Variants in VTI1A observed in about 807,000 individuals in gnomAD.
VTI1A encodes the protein vesicle transport through interaction with t-SNAREs homolog 1A.
Under a neutral mutation model 34.9 loss-of-function variants are expected in VTI1A, and 22 were observed. The observed-to-expected ratio is 0.63, with a 90% CI of 0.45 to 0.90. The LOEUF is 0.90. VTI1A is among the 40% of genes least tolerant of loss of function. The probability of loss-of-function intolerance (pLI) is 0.00; values close to 1 mark genes in which losing one functional copy is unlikely to be tolerated. For synonymous variants in VTI1A, 87 were observed against 97.3 expected, an observed-to-expected ratio of 0.89 and a Z score of 0.62; for missense variants, 268 against 275.6, an observed-to-expected ratio of 0.97 and a Z score of 0.20.
chr10:112,633,074 C>T (rs1047817059), intron 5 of VTI1A, among the ~76,000 whole-genome samples: 4 of 152,112 alleles, frequency 2.6e-5, no homozygotes, highest in East Asian at 3.9e-4. Flanking sequence ...GTAATCCCAG[C>T]ACTTTGGGAG....
chr10:112,540,108 A>G (rs974138778), intron 5 of VTI1A, among the ~76,000 whole-genome samples: 1 of 152,084 alleles, frequency 6.6e-6, no homozygotes. Context: ...GCTTTGGTTG[A>G]TTGGGCTACA....
At chr10:112,472,533 C>CTT (rs78914593) in intron 3 of VTI1A, among the ~76,000 whole-genome samples, 3 of 134,874 alleles carry the variant, frequency 2.2e-5, no homozygotes, top group Admixed American at 7.5e-5. Context: ...TACCCATATT[C>CTT]TTTTTTTTTT....
intron 3 of VTI1A, among the ~76,000 whole-genome samples, chr10:112,517,318 G>A (rs1241274992): frequency 6.6e-6 from 1 of 151,944 alleles, no homozygotes; most frequent in African/African-American, 2.4e-5. Flanking sequence ...CACAATCTGA[G>A]CAACAAAAGA....
intron 5 of VTI1A, among the ~76,000 whole-genome samples, chr10:112,546,322 T>G (rs2134281392): frequency 1.3e-5 from 2 of 152,120 alleles, no homozygotes; most frequent in Middle Eastern, 6.8e-3. Flanking sequence ...TCCAAAGCAC[T>G]TTGAGAAGCT....
intron 5 of VTI1A, among the ~76,000 whole-genome samples, chr10:112,624,524 T>C (rs538281395): frequency 6.0e-4 from 92 of 152,334 alleles, no homozygotes; most frequent in African/African-American, 2.2e-3. Flanking sequence ...GAAGGTTTTT[T>C]AATATACATT....
chr10:112,596,693 G>T (rs770137472), intron 5 of VTI1A, among the ~76,000 whole-genome samples: 3 of 152,132 alleles, frequency 2.0e-5, no homozygotes, highest in Non-Finnish European at 2.9e-5. Context: ...TGAGCAGAAG[G>T]TATGCTTGTA....
At chr10:112,693,532 A>G (rs1238639215) in intron 7 of VTI1A, among the ~76,000 whole-genome samples, 1 of 152,184 alleles carries the variant, frequency 6.6e-6, no homozygotes, top group African/African-American at 2.4e-5. Flanking sequence ...GGACAACAAT[A>G]TTGAAACTCT....
rs1249247757 is a variant in VTI1A at position 112,701,305 on chromosome 10, C to G, written c.560+32307C>G. 3.9e-5 allele frequency among the ~76,000 whole-genome samples: 6 copies of G among 152,192 alleles called. No individual in the cohort carries two copies. The East Asian group carries it at 9.6e-4, about 24-fold the overall frequency. On this transcript the variant is annotated intron_variant, in intron 7 of 7. Coordinates refer to ENST00000393077, the MANE Select transcript of VTI1A (RefSeq NM_145206.4). ...GAACAAGATCAGCCAGGAATAGCAA[C>G]ACTTGGATGCCTGACTTGTGGATGT...
At chr10:112,652,430 AAGAGTT>A (rs1017949127) in intron 5 of VTI1A, among the ~76,000 whole-genome samples, 6 of 152,208 alleles carry the variant, frequency 3.9e-5, no homozygotes, top group Non-Finnish European at 7.3e-5. Context: ...GGGCAGAACA[AAGAGTT>A]AGAGCCAGTT....
intron 7 of VTI1A, among the ~76,000 whole-genome samples, chr10:112,708,619 C>T (rs1849284352): frequency 6.6e-6 from 1 of 152,158 alleles, no homozygotes; most frequent in Admixed American, 6.5e-5. Context: ...TACTAATTAG[C>T]ATTAAGCAGT....
intron 7 of VTI1A, among the ~76,000 whole-genome samples, chr10:112,716,003 G>A (rs1163604185): frequency 4.6e-5 from 7 of 152,272 alleles, no homozygotes; most frequent in Middle Eastern, 3.4e-3. Context: ...CTTGGCACTC[G>A]GGATGCGCAT....
chr10:112,479,432 C>G (rs549597545), intron 3 of VTI1A, among the ~76,000 whole-genome samples: 1 of 152,220 alleles, frequency 6.6e-6, no homozygotes, highest in African/African-American at 2.4e-5. Context: ...TGGAAGTTCC[C>G]TTATCTGATG....
chr10:112,627,040 A>G (rs946458288), intron 5 of VTI1A, among the ~76,000 whole-genome samples: 5 of 152,254 alleles, frequency 3.3e-5, no homozygotes, highest in Non-Finnish European at 5.9e-5. Context: ...GTTGCCTGGC[A>G]GATAATTGAT....
intron 5 of VTI1A, among the ~76,000 whole-genome samples, chr10:112,553,131 G>C (rs1851423832): frequency 6.6e-6 from 1 of 152,012 alleles, no homozygotes; most frequent in Non-Finnish European, 1.5e-5. Context: ...TCTCCTTTGA[G>C]GATTTAAAAA....
At chr10:112,541,992 CT>C (rs199860392) in intron 5 of VTI1A, among the ~76,000 whole-genome samples, 38 of 151,422 alleles carry the variant, frequency 2.5e-4, no homozygotes, top group African/African-American at 6.1e-4. Context: ...AAAAGCAGCT[CT>C]TTTTTTTTGT....
At chr10:112,464,473 C>A in intron 2 of VTI1A, 74 bp from the exon 3 acceptor site, 1 of 1,345,022 alleles carries the variant, frequency 7.4e-7, no homozygotes, top group Non-Finnish European at 1.0e-6. Context: ...GAATTAGATC[C>A]TTTCAGCCGT....
At chr10:112,581,959 CG>C (rs1843963545) in intron 5 of VTI1A, among the ~76,000 whole-genome samples, 1 of 152,204 alleles carries the variant, frequency 6.6e-6, no homozygotes, top group African/African-American at 2.4e-5. Flanking sequence ...TGCAACTTCA[CG>C]GCAATATCTC....
At chr10:112,459,230 C>T (rs2134037648) in intron 1 of VTI1A, among the ~76,000 whole-genome samples, 1 of 152,282 alleles carries the variant, frequency 6.6e-6, no homozygotes, top group South Asian at 2.1e-4. Context: ...CAGGAACTAA[C>T]TATATCTCTC....
At position 112,752,574 on chromosome 10, in the gene VTI1A, G is replaced by A. The variant is rs74156811; in HGVS notation, c.561-62716G>A. 3.0e-3 allele frequency: 2,968 copies of A among 985,260 alleles called. 55 individuals carry two copies. The African/African-American group carries it at 0.044, about 15-fold the overall frequency. 61.0% of individuals were successfully genotyped at this position (985,260 alleles called of 1,614,324 possible). A position where few individuals can be genotyped will look rare whatever the true frequency, so the allele number is the denominator to read the frequency against. On this transcript the variant is annotated intron_variant, in intron 7 of 7. Coordinates refer to ENST00000393077, the MANE Select transcript of VTI1A (RefSeq NM_145206.4). ...CAGGGGGAACATGCTTTGGAAAAAC[G>A]CCCACTTAATAAAATGTATTTTCTT...
Sources: gnomAD v4.1 joint callset for allele counts (sites outside exome capture counted in the v4.1 genomes callset) on GRCh38, gnomAD v4.1.1 for gene constraint, MANE v1.5 for transcripts, NCBI Gene and HGNC (gene_info 2026-07-23, HGNC 2026-07-21) for gene names.